The following MCF2L variants were observed in gnomAD, a reference collection of about 807,000 sequenced individuals.
MCF2L encodes guanine nucleotide exchange factor DBS.
In MCF2L, 97 loss-of-function variants were observed where a neutral mutation model predicts 153.4. The observed-to-expected ratio is 0.63, with a 90% CI of 0.54 to 0.75. MCF2L has a LOEUF of 0.75. MCF2L is among the 30% of genes least tolerant of loss of function. MCF2L has a pLI of 0.00. For missense variants in MCF2L, 1,347 were observed against 1,495.2 expected (o/e 0.90, Z 1.64); for synonymous variants, 659 against 632.2 (o/e 1.04, Z -0.64).
At chr13:113,059,262 C>T (rs1316972538) in intron 4 of MCF2L, among the ~76,000 whole-genome samples, 1 of 152,208 alleles carries the variant, frequency 6.6e-6, no homozygotes, top group Non-Finnish European at 1.5e-5. Flanking sequence ...GCCCACGCCC[C>T]ACGCGTCCCC....
At chr13:113,000,772 G>T (rs2083333127) in intron 1 of MCF2L, among the ~76,000 whole-genome samples, 1 of 152,228 alleles carries the variant, frequency 6.6e-6, no homozygotes, top group South Asian at 2.1e-4. Context: ...CACACGCAGG[G>T]CAGGAGTCAG....
chr13:113,088,490 C>T lies in MCF2L; in HGVS notation c.2768-72C>T, dbSNP rs1595008174. ...ATGTTCAGAGCAACCGCACAGTCCCCCCATGCGCAAGGTGCCTCGGCGTTG... is the reference window on the plus strand; with the variant it reads ...ATGTTCAGAGCAACCGCACAGTCCCTCCATGCGCAAGGTGCCTCGGCGTTG... On this transcript the variant is annotated intron_variant, in intron 24 of 29. Coordinates refer to ENST00000535094, the MANE Select transcript of MCF2L (RefSeq NM_001112732.3). 6 of 1,605,484 alleles carry T rather than the reference C, an allele frequency of 3.7e-6. No individual in the cohort carries two copies. In the Admixed American group the frequency reaches 5.0e-5, roughly 13 times the overall value.
intron 2 of MCF2L, among the ~76,000 whole-genome samples, chr13:113,016,859 C>G (rs765046657): frequency 6.6e-6 from 1 of 152,190 alleles, no homozygotes; most frequent in East Asian, 1.9e-4. Context: ...CACCACCTCA[C>G]GTCCTCCCGT....
At chr13:113,077,883 C>T (rs1044295915) in intron 13 of MCF2L, among the ~76,000 whole-genome samples, 5 of 152,242 alleles carry the variant, frequency 3.3e-5, no homozygotes, top group Non-Finnish European at 7.3e-5. Flanking sequence ...CTCAGGGGCC[C>T]CGGGGGCCAG....
At position 113,089,610 on chromosome 13, in the gene MCF2L, T is replaced by G. The variant is rs2035003747; in HGVS notation, c.2835T>G (p.Ser945Arg). The change falls in exon 26 of 30, where the codon AGT (serine) becomes AGG (arginine). Residue 945 changes from serine (S) to arginine (R), a missense_variant and splice_region_variant. Around this residue, in one of 3 missense-constraint regions of MCF2L, gnomAD observed 383 missense variants for 335.4 expected, o/e 1.14. Coordinates refer to ENST00000535094, the MANE Select transcript of MCF2L (RefSeq NM_001112732.3). ...TTTTTGATTTGTCTGATGTCATCAG[T>G]CCCTCAAGAGGAAACTCAAGGAACA... Reference protein sequence around the residue: ...SLPLPAPTSTSPSRGNSRNIK... With the variant: ...SLPLPAPTSTRPSRGNSRNIK... The G allele has an allele frequency of 1.3e-6, 2 of 1,594,130 alleles. No homozygotes were observed. The highest frequency in any genetic ancestry group is 1.7e-5 in the Admixed American group (1 of 59,890).
chr13:113,039,101 C>T (rs769767628), intron 3 of MCF2L, among the ~76,000 whole-genome samples: 7 of 152,112 alleles, frequency 4.6e-5, no homozygotes, highest in South Asian at 2.1e-4. Context: ...CCTCATGATC[C>T]GCCCTCCTCA....
chr13:112,984,956 G>A (rs532366586), intron 1 of MCF2L, among the ~76,000 whole-genome samples: 1 of 152,200 alleles, frequency 6.6e-6, no homozygotes, highest in East Asian at 1.9e-4. Flanking sequence ...CCCCCGACAG[G>A]ACTCTCTGGC....
At chr13:113,088,753 C>G (rs573147007) in intron 25 of MCF2L, 125 bp downstream of exon 25, 2 of 996,636 alleles carry the variant, frequency 2.0e-6, no homozygotes, top group Admixed American at 2.0e-5. Flanking sequence ...CCTTGAGGCC[C>G]CTGGTGTTTA....
At chr13:113,022,782 G>A (rs2084974130) in intron 2 of MCF2L, among the ~76,000 whole-genome samples, 1 of 152,268 alleles carries the variant, frequency 6.6e-6, no homozygotes, top group Non-Finnish European at 1.5e-5. Context: ...CGCGGCGGCG[G>A]CTGAGGGGAG....
chr13:113,046,738 C>T lies in MCF2L; in HGVS notation c.369+1377C>T, dbSNP rs1001574685. On this transcript the variant is annotated intron_variant, in intron 4 of 29. Transcript: ENST00000535094. This position sits in a 1 kb window ranked among gnomAD's most constrained non-coding sequence, Gnocchi z 4.4. ...CCCACGGCACCTCTCTGCCCCTCGCCGCGGCGGATCCCCGTTCCTGACCCT... is the reference window on the plus strand; with the variant it reads ...CCCACGGCACCTCTCTGCCCCTCGCTGCGGCGGATCCCCGTTCCTGACCCT... The T allele has an allele frequency of 4.8e-5, 23 of 480,562 alleles. No individual in the cohort carries two copies. Among genetic ancestry groups the T allele is most frequent in the East Asian group, 1.2e-4 (2 of 17,272 alleles). 29.8% of individuals were successfully genotyped at this position (480,562 alleles called of 1,614,324 possible). A position where few individuals can be genotyped will look rare whatever the true frequency, so the allele number is the denominator to read the frequency against.
Position 113,064,091 on chromosome 13 carries a change from C to T in MCF2L, c.490-213C>T, listed in dbSNP as rs1028822799. The stretch of plus-strand genomic sequence containing the variant: ...CATCATAAGGGCCATAACACACACA[C>T]GCCACCACGAGAGGAGGTGTCGGCG... On this transcript the variant is annotated intron_variant, in intron 5 of 29. Coordinates refer to ENST00000535094, the MANE Select transcript of MCF2L (RefSeq NM_001112732.3). The surrounding 1 kb of genome is among the most constrained non-coding windows in gnomAD (Gnocchi z 6.0). Among the ~76,000 whole-genome samples the T allele has an allele frequency of 3.3e-5, 5 of 152,154 alleles. No individual in the cohort carries two copies. The highest frequency in any genetic ancestry group is 7.3e-5 in the Non-Finnish European group (5 of 68,030).
intron 3 of MCF2L, chr13:113,044,642 C>A (rs990926837): frequency 6.2e-7 from 1 of 1,609,356 alleles, no homozygotes; most frequent in East Asian, 2.2e-5. Context: ...CGCACCGACT[C>A]TGTGACTCAG....
rs2085401143 is a variant in MCF2L at position 113,027,708 on chromosome 13, TC to T, written c.278+2952del. Among the ~76,000 whole-genome samples, 1 of 152,132 alleles carries T rather than the reference TC, an allele frequency of 6.6e-6. No homozygotes were observed. The highest frequency in any genetic ancestry group is 1.5e-5 in the Non-Finnish European group (1 of 68,032). ...GATGCTGCAGACGGTTTCCACACAT[TC>T]CTCCCTGGTTCTCAGCCACACTGTG... is the stretch of plus-strand genomic sequence containing the variant. On this transcript the variant is annotated intron_variant, in intron 3 of 29. Transcript: ENST00000535094. This position sits in a 1 kb window ranked among gnomAD's most constrained non-coding sequence, Gnocchi z 4.8.
chr13:113,010,646 G>A (rs2282309), intron 1 of MCF2L, among the ~76,000 whole-genome samples: 19,991 of 151,790 alleles, frequency 0.13, 1,520 homozygotes, highest in East Asian at 0.34. Flanking sequence ...CTCTGCCCGC[G>A]TGGCAGGGGA....
At chr13:113,091,179 T>A in intron 26 of MCF2L, 1 of 1,301,340 alleles carries the variant, frequency 7.7e-7, no homozygotes, top group Non-Finnish European at 1.0e-6. Context: ...GCGACCCGAC[T>A]CCCTTTGGTG....
At chr13:113,022,953 A>AT (rs2084985589) in intron 2 of MCF2L, among the ~76,000 whole-genome samples, 1 of 152,240 alleles carries the variant, frequency 6.6e-6, no homozygotes, top group Non-Finnish European at 1.5e-5. Context: ...TGCATGGGGC[A>AT]TTATGTGCCA....
rs551664301 is a variant in MCF2L at position 112,983,651 on chromosome 13, C to T, written c.79+14193C>T. Among the ~76,000 whole-genome samples the T allele has an allele frequency of 6.6e-6, 1 of 152,346 alleles. No individual in the cohort carries two copies. The highest frequency in any genetic ancestry group is 2.4e-5 in the African/African-American group (1 of 41,586). ...TCTGTCCCCTGCCTTATCTCGCTGG[C>T]TCTGCCCTTGGTCATCAGGATGTGA... On this transcript the variant is annotated intron_variant, in intron 1 of 29. Coordinates refer to ENST00000535094, the MANE Select transcript of MCF2L (RefSeq NM_001112732.3). This position sits in a 1 kb window ranked among gnomAD's most constrained non-coding sequence, Gnocchi z 4.0.
Position 113,046,775 on chromosome 13 carries a change from GCA to G in MCF2L, c.369+1420_369+1421del. 2.3e-6 allele frequency: 1 copy of G among 434,814 alleles called. No individual in the cohort carries two copies. The highest frequency in any genetic ancestry group is 4.6e-6 in the Non-Finnish European group (1 of 216,502). 26.9% of individuals were successfully genotyped at this position (434,814 alleles called of 1,614,324 possible). ...CCGTTCCTGACCCTGACTCAACCTG[GCA>G]CACACCACCTATGGCATCGTTATCT... On this transcript the variant is annotated intron_variant, in intron 4 of 29. Coordinates refer to ENST00000535094, the MANE Select transcript of MCF2L (RefSeq NM_001112732.3). The surrounding 1 kb of genome is among the most constrained non-coding windows in gnomAD (Gnocchi z 4.4).
rs116397428 is a variant in MCF2L at position 112,971,035 on chromosome 13, T to A, written c.79+1577T>A. ...TAGGGGAGGTGACCCTGCATCATAC[T>A]CCACTTACCACCCATTAACACTGGC... On this transcript the variant is annotated intron_variant, in intron 1 of 29. Transcript: ENST00000535094. Among the ~76,000 whole-genome samples the A allele has an allele frequency of 4.3e-3, 656 of 152,290 alleles. 7 individuals carry two copies. Among genetic ancestry groups the A allele is most frequent in the African/African-American group, 0.015 (604 of 41,546 alleles).
Sources: gnomAD v4.1 joint callset for allele counts (sites outside exome capture counted in the v4.1 genomes callset) on GRCh38, gnomAD v4.1.1 for gene constraint, gnomAD v4.1.1 regional missense constraint, Gnocchi (gnomAD v3.1) non-coding constraint, MANE v1.5 for transcripts, NCBI Gene and HGNC (gene_info 2026-07-23, HGNC 2026-07-21) for gene names.